The following LRP6 variants were observed in gnomAD, a reference collection of about 807,000 sequenced individuals.
LRP6 encodes low-density lipoprotein receptor-related protein 6.
In LRP6, 43 loss-of-function variants were observed where a neutral mutation model predicts 184.1. That is an observed-to-expected ratio of 0.23 (90% CI 0.18 to 0.30). LRP6 has a LOEUF of 0.30. Among genes scored for constraint, LRP6 ranks in the 10% least tolerant of loss-of-function variants. The pLI is 1.00. For synonymous variants in LRP6, 719 were observed against 684.9 expected, an observed-to-expected ratio of 1.05 and a Z score of -0.78; for missense variants, 1,571 against 2,005.3, an observed-to-expected ratio of 0.78 and a Z score of 4.14.
At chr12:12,136,186 C>A (rs1409385498) in intron 16 of LRP6, among the ~76,000 whole-genome samples, 1 of 151,654 alleles carries the variant, frequency 6.6e-6, no homozygotes. Context: ...GACTCCATCT[C>A]TACAAAAAAC....
At chr12:12,203,162 C>T (rs1276490257) in intron 3 of LRP6, 41 bp downstream of exon 3, 5 of 1,436,024 alleles carry the variant, frequency 3.5e-6, no homozygotes, top group Admixed American at 4.1e-5. Flanking sequence ...AAGGCTTCAT[C>T]GAGTTTTCTT....
At chr12:12,156,948 G>C (rs1862597910) in intron 12 of LRP6, among the ~76,000 whole-genome samples, 1 of 152,210 alleles carries the variant, frequency 6.6e-6, no homozygotes, top group Non-Finnish European at 1.5e-5. Flanking sequence ...CTGTAATAAA[G>C]TTTTACTGGA....
At chr12:12,220,284 C>T (rs987489087) in intron 2 of LRP6, among the ~76,000 whole-genome samples, 4 of 149,372 alleles carry the variant, frequency 2.7e-5, no homozygotes, top group African/African-American at 4.9e-5. Context: ...CGAGAACCTG[C>T]CTCAAAAAAA....
At chr12:12,242,215 T>G (rs1865085067) in intron 2 of LRP6, among the ~76,000 whole-genome samples, 1 of 152,186 alleles carries the variant, frequency 6.6e-6, no homozygotes, top group Non-Finnish European at 1.5e-5. Context: ...TCTTCCTCTC[T>G]TCACATTCAT....
intron 1 of LRP6, among the ~76,000 whole-genome samples, chr12:12,246,706 A>C (rs1865195602): frequency 6.6e-6 from 1 of 151,884 alleles, no homozygotes; most frequent in Admixed American, 6.6e-5. Flanking sequence ...TGATACAATT[A>C]TCTACATGAT....
chr12:12,197,147 A>G (rs1428980507), intron 3 of LRP6, among the ~76,000 whole-genome samples: 1 of 152,226 alleles, frequency 6.6e-6, no homozygotes, highest in Non-Finnish European at 1.5e-5. Context: ...TTATGAACTC[A>G]AGAATTTAAA....
chr12:12,256,634 C>T (rs1403089643), intron 1 of LRP6, among the ~76,000 whole-genome samples: 1 of 152,070 alleles, frequency 6.6e-6, no homozygotes, highest in Non-Finnish European at 1.5e-5. Flanking sequence ...TAGCCAAACC[C>T]CCTCTCTACT....
chr12:12,263,710 T>C (rs2135950534), intron 1 of LRP6, among the ~76,000 whole-genome samples: 1 of 150,924 alleles, frequency 6.6e-6, no homozygotes, highest in Middle Eastern at 3.5e-3. Context: ...GGCACACAAC[T>C]GTGGTCCCAG....
intron 2 of LRP6, among the ~76,000 whole-genome samples, chr12:12,224,042 C>A (rs1864553657): frequency 6.6e-6 from 1 of 152,194 alleles, no homozygotes; most frequent in African/African-American, 2.4e-5. Context: ...ATTACAGGCA[C>A]TATGCATCTC....
intron 3 of LRP6, among the ~76,000 whole-genome samples, chr12:12,188,398 A>C (rs1565621577): frequency 6.6e-6 from 1 of 152,098 alleles, no homozygotes; most frequent in African/African-American, 2.4e-5. Flanking sequence ...AATGAAGGGA[A>C]AAGGGAAGGG....
At chr12:12,170,731 T>G (rs1863011784) in intron 7 of LRP6, among the ~76,000 whole-genome samples, 1 of 151,916 alleles carries the variant, frequency 6.6e-6, no homozygotes, top group East Asian at 1.9e-4. Flanking sequence ...TGTCTTTTAT[T>G]TGGTCTTTCT....
At chr12:12,182,534 C>A (rs1355618690) in intron 5 of LRP6, among the ~76,000 whole-genome samples, 1 of 152,006 alleles carries the variant, frequency 6.6e-6, no homozygotes, top group African/African-American at 2.4e-5. Context: ...AGAAAAGATT[C>A]CCAGCTAAAT....
At chr12:12,199,488 G>A (rs2137033590) in intron 3 of LRP6, among the ~76,000 whole-genome samples, 1 of 152,226 alleles carries the variant, frequency 6.6e-6, no homozygotes. Flanking sequence ...TGCATCATTT[G>A]TACAAAAGAA....
rs1163180718 is a variant in LRP6, at chr12:12,257,779, C to CAAAAAAAAAAAAA, written c.55+8889_55+8901dup. ...GCAACATAGTAAGACCCTGTCTCTA[C>CAAAAAAAAAAAAA]AAAAAAAAAAAAAAAAAAAAAAAAA... On this transcript the variant is annotated intron_variant, in intron 1 of 22. Coordinates refer to ENST00000261349, the MANE Select transcript of LRP6 (RefSeq NM_002336.3). Among the ~76,000 whole-genome samples the CAAAAAAAAAAAAA allele has an allele frequency of 1.1e-3, 38 of 35,318 alleles. 1 individual carries two copies. The highest frequency in any genetic ancestry group is 2.3e-3 in the South Asian group (1 of 432). 23.2% of individuals were successfully genotyped at this position (35,318 alleles called of 152,430 possible).
At chr12:12,173,981 G>A (rs566604048) in intron 7 of LRP6, among the ~76,000 whole-genome samples, 17 of 152,162 alleles carry the variant, frequency 1.1e-4, no homozygotes, top group Non-Finnish European at 2.4e-4. Context: ...CATATGTTAT[G>A]AAGATTTGGG....
At chr12:12,175,155 G>A (rs549906449) in intron 7 of LRP6, among the ~76,000 whole-genome samples, 5 of 152,300 alleles carry the variant, frequency 3.3e-5, no homozygotes, top group Non-Finnish European at 5.9e-5. Context: ...TTGGCAGGCC[G>A]AGGTGGGTGG....
chr12:12,247,951 TC>T (rs753238015), intron 1 of LRP6, among the ~76,000 whole-genome samples: 47 of 152,200 alleles, frequency 3.1e-4, no homozygotes, highest in Non-Finnish European at 5.4e-4. Context: ...CTAAGCCTTT[TC>T]TACTTTTAAA....
rs373833168 is a variant in LRP6 at position 12,203,174 on chromosome 12, A to T, written c.647+29T>A. 36 of 1,541,470 alleles carry T rather than the reference A, an allele frequency of 2.3e-5. No homozygotes were observed. In the East Asian group the frequency reaches 7.9e-4, roughly 34 times the overall value. ...ATCAAGGCTTCATCGAGTTTTCTTA[A>T]AAGTTTTTTCTAATTCTTGTAATCT... On this transcript the variant is annotated intron_variant, in intron 3 of 22. Transcript: ENST00000261349.
intron 7 of LRP6, among the ~76,000 whole-genome samples, chr12:12,176,916 C>T (rs1863200701): frequency 1.4e-5 from 2 of 146,814 alleles, no homozygotes; most frequent in Non-Finnish European, 3.0e-5. Context: ...GGCATCATCT[C>T]GGCTCACTGC....
Sources: allele counts gnomAD v4.1 joint callset (sites outside exome capture counted in the v4.1 genomes callset), GRCh38; gene constraint gnomAD v4.1.1; transcripts MANE v1.5; gene names NCBI Gene and HGNC (gene_info 2026-07-23, HGNC 2026-07-21).